The following NIM1K variants were observed in gnomAD, a reference collection of about 807,000 sequenced individuals.
The protein encoded by NIM1K is serine/threonine-protein kinase NIM1.
Under a neutral mutation model 37.1 loss-of-function variants are expected in NIM1K, and 35 were observed. The ratio of observed to expected loss-of-function variants is 0.94; its 90% CI spans 0.72 to 1.25. NIM1K has a LOEUF of 1.25. Ranked by LOEUF, NIM1K falls within the 50% of genes most tolerant of loss-of-function variation. The pLI is 0.00. For synonymous variants in NIM1K, 234 were observed against 206.6 expected (o/e 1.13, Z -1.14); for missense variants, 564 against 548.0 (o/e 1.03, Z -0.29).
intron 2 of NIM1K, among the ~76,000 whole-genome samples, chr5:43,273,151 C>T (rs553866496): frequency 6.6e-6 from 1 of 152,170 alleles, no homozygotes; most frequent in East Asian, 1.9e-4. Flanking sequence ...CTCCCACTTG[C>T]TCCCAGGCTT....
chr5:43,251,757 C>T (rs1752870161), intron 2 of NIM1K, among the ~76,000 whole-genome samples: 1 of 152,104 alleles, frequency 6.6e-6, no homozygotes. Flanking sequence ...ATATCATGGC[C>T]AAAAATGGTT....
chr5:43,238,834 G>C (rs1752657017), intron 1 of NIM1K, among the ~76,000 whole-genome samples: 1 of 151,498 alleles, frequency 6.6e-6, no homozygotes, highest in East Asian at 1.9e-4. Flanking sequence ...AGAGTGCAAG[G>C]AGAAGAGAAT....
intron 2 of NIM1K, among the ~76,000 whole-genome samples, chr5:43,251,538 C>T (rs548011290): frequency 2.0e-5 from 3 of 152,294 alleles, no homozygotes; most frequent in East Asian, 1.9e-4. Flanking sequence ...CAGGAATTCA[C>T]ATGGAATTGA....
At chr5:43,213,350 TGGAG>T in intron 1 of NIM1K, among the ~76,000 whole-genome samples, 1 of 142,594 alleles carries the variant, frequency 7.0e-6, no homozygotes, top group African/African-American at 2.9e-5. Flanking sequence ...CTTTTCTAGT[TGGAG>T]TCTCATTCAT....
At chr5:43,274,208 C>G (rs989734370) in intron 2 of NIM1K, among the ~76,000 whole-genome samples, 2 of 152,060 alleles carry the variant, frequency 1.3e-5, no homozygotes, top group Non-Finnish European at 2.9e-5. Flanking sequence ...GGGAGGGAAG[C>G]CTTTGCTAAG....
chr5:43,203,412 G>C lies in NIM1K; in HGVS notation c.-695+11001G>C, dbSNP rs114539966. 7.0e-3 allele frequency among the ~76,000 whole-genome samples: 1,064 copies of C among 152,304 alleles called. 7 individuals are homozygous for C. Among genetic ancestry groups the C allele is most frequent in the Middle Eastern group, 0.034 (10 of 294 alleles). On this transcript the variant is annotated intron_variant, in intron 1 of 3. Coordinates refer to ENST00000326035, the MANE Select transcript of NIM1K (RefSeq NM_153361.4). The stretch of plus-strand genomic sequence containing the variant: ...TTTGGCCAATGAAAGGTGGCCAACT[G>C]TTCAAACCATGTTCAAATAAGGCAA...
At chr5:43,255,216 A>C (rs1752923025) in intron 2 of NIM1K, among the ~76,000 whole-genome samples, 1 of 152,202 alleles carries the variant, frequency 6.6e-6, no homozygotes, top group Non-Finnish European at 1.5e-5. Context: ...AGCCAGGTGC[A>C]AATGGAGCGC....
At chr5:43,231,727 A>T in intron 1 of NIM1K, 1 of 820,366 alleles carries the variant, frequency 1.2e-6, no homozygotes, top group Admixed American at 1.9e-5. Context: ...GCTACATAAA[A>T]ATTAACTGAT....
At chr5:43,255,350 A>G (rs1752926323) in intron 2 of NIM1K, among the ~76,000 whole-genome samples, 2 of 152,260 alleles carry the variant, frequency 1.3e-5, no homozygotes, top group South Asian at 2.1e-4. Flanking sequence ...AGTGAACAAA[A>G]TAGACAGCAA....
intron 2 of NIM1K, among the ~76,000 whole-genome samples, chr5:43,276,435 G>A (rs1451949822): frequency 6.6e-6 from 1 of 152,248 alleles, no homozygotes. Flanking sequence ...TTATCACTAA[G>A]GAGATGGCCC....
rs542114798 is a variant in NIM1K, at chr5:43,267,063, T to G, written c.293-9994T>G. Among the ~76,000 whole-genome samples, 8 of 152,240 alleles carry G rather than the reference T, an allele frequency of 5.3e-5. No homozygotes were observed. In the South Asian group the frequency reaches 8.3e-4, roughly 16 times the overall value. ...TTGACTGTCTGGTAGAATTCAGCTA[T>G]GAATCCATCTGGCCCTAGGCTTTTT... On this transcript the variant is annotated intron_variant, in intron 2 of 3. Transcript: ENST00000326035.
In NIM1K at chr5:43,280,459, C is replaced by T. The variant is rs778387825; in HGVS notation, c.1041C>T (p.Thr347=). The change falls in exon 4 of 4, where the codon ACC becomes ACT. Residue 347 remains threonine (T), a synonymous_variant. Transcript: ENST00000326035. ...TGGATCCCAAACATTTGTCGGAAACCAGCACTCTCAAGGAAGAAGAAAATG... is the reference window on the plus strand; with the variant it reads ...TGGATCCCAAACATTTGTCGGAAACTAGCACTCTCAAGGAAGAAGAAAATG... The part of the protein sequence containing the change: ...FQLDPKHLSE[T]STLKEEENEV... The T allele has an allele frequency of 1.9e-6, 3 of 1,614,142 alleles. No homozygotes were observed. The highest frequency in any genetic ancestry group is 2.5e-6 in the Non-Finnish European group (3 of 1,180,024).
intron 2 of NIM1K, among the ~76,000 whole-genome samples, chr5:43,254,197 TGGTATG>T (rs572966548): frequency 1.5e-3 from 234 of 152,212 alleles, no homozygotes; most frequent in African/African-American, 5.2e-3. Flanking sequence ...TTGTGATCAA[TGGTATG>T]GGTGAGAGCA....
At chr5:43,264,503 G>A (rs1396827759) in intron 2 of NIM1K, among the ~76,000 whole-genome samples, 2 of 152,040 alleles carry the variant, frequency 1.3e-5, no homozygotes, top group Non-Finnish European at 2.9e-5. Context: ...TTTATTTTGA[G>A]CCTATGTGTG....
intron 2 of NIM1K, among the ~76,000 whole-genome samples, chr5:43,257,044 A>G (rs1409623759): frequency 6.6e-6 from 1 of 152,108 alleles, no homozygotes; most frequent in Non-Finnish European, 1.5e-5. Flanking sequence ...ATTGTAGAGA[A>G]GAGGTCTAAG....
chr5:43,233,076 A>G, intron 1 of NIM1K: 1 of 1,333,510 alleles, frequency 7.5e-7, no homozygotes, highest in Non-Finnish European at 1.1e-6. Flanking sequence ...GCATCTGGCC[A>G]TTGGGCTGGA....
intron 2 of NIM1K, among the ~76,000 whole-genome samples, chr5:43,253,219 T>TAATATA (rs1470637552): frequency 9.4e-5 from 2 of 21,168 alleles, no homozygotes; most frequent in East Asian, 8.6e-4. Context: ...TATATGTGTG[T>TAATATA]GTGTGTGTGT....
intron 2 of NIM1K, among the ~76,000 whole-genome samples, chr5:43,249,259 C>T (rs1022951147): frequency 9.2e-5 from 14 of 151,722 alleles, no homozygotes; most frequent in African/African-American, 4.8e-5. Context: ...TTAGTAGAGA[C>T]GGGGTTTCAC....
At chr5:43,198,201 T>TTCTCTCTCTC (rs1223745294) in intron 1 of NIM1K, among the ~76,000 whole-genome samples, 2 of 54,814 alleles carry the variant, frequency 3.6e-5, no homozygotes, top group African/African-American at 1.5e-4. Flanking sequence ...CTTTCTTTCT[T>TTCTCTCTCTC]TCTTTCTCTT....
Sources: gnomAD v4.1 joint callset for allele counts (sites outside exome capture counted in the v4.1 genomes callset) on GRCh38, gnomAD v4.1.1 for gene constraint, MANE v1.5 for transcripts, NCBI Gene and HGNC (gene_info 2026-07-23, HGNC 2026-07-21) for gene names.